MPPED1: variants seen among roughly 807,000 people sequenced by gnomAD.
MPPED1 encodes the protein metallophosphoesterase domain containing 1.
MPPED1 carries 16 observed loss-of-function variants against 36.2 expected under a neutral mutation model. The observed-to-expected ratio is 0.44, with a 90% CI of 0.30 to 0.67. The LOEUF is 0.67. Among genes scored for constraint, MPPED1 ranks in the 30% least tolerant of loss-of-function variants. The pLI is 0.10. For missense variants in MPPED1, 307 were observed against 453.4 expected, an observed-to-expected ratio of 0.68 and a Z score of 2.93; for synonymous variants, 199 against 191.3, an observed-to-expected ratio of 1.04 and a Z score of -0.33.
At chr22:43,430,137 T>G (rs1266968212) in intron 2 of MPPED1, among the ~76,000 whole-genome samples, 1 of 152,058 alleles carries the variant, frequency 6.6e-6, no homozygotes, top group Non-Finnish European at 1.5e-5. Flanking sequence ...TGATGCCCAG[T>G]CACACGGCTG....
chr22:43,431,610 G>C lies in MPPED1; in HGVS notation c.225-3424G>C, dbSNP rs112943139. On this transcript the variant is annotated intron_variant, in intron 2 of 6. Coordinates refer to ENST00000443721, the MANE Select transcript of MPPED1 (RefSeq NM_001044370.2). ...AATTTCAGCTGCACCAACTCCTGTA[G>C]CTAAGATCATGGACAAGTCAGCCTT... is the stretch of plus-strand genomic sequence containing the variant. Among the ~76,000 whole-genome samples, 767 of 152,284 alleles carry C rather than the reference G, an allele frequency of 5.0e-3. 16 individuals are homozygous for C. The highest frequency in any genetic ancestry group is 0.017 in the African/African-American group (725 of 41,564).
chr22:43,426,624 C>T (rs992333106), intron 2 of MPPED1, among the ~76,000 whole-genome samples: 4 of 152,126 alleles, frequency 2.6e-5, no homozygotes, highest in Non-Finnish European at 4.4e-5. Flanking sequence ...TGTGTGAGGG[C>T]GCGACCTCCC....
Position 43,502,787 on chromosome 22 carries a change from C to A in MPPED1, c.862+30C>A, listed in dbSNP as rs201366771. On this transcript the variant is annotated intron_variant, in intron 6 of 6. Transcript: ENST00000443721. This position sits in a 1 kb window ranked among gnomAD's most constrained non-coding sequence, Gnocchi z 5.5. Reference sequence around the variant, plus strand: ...GTACGTAGCGGAGACAGGCACCTCACGGGCTAGGGGCTCCTAATGGACCCT... The same window carrying A: ...GTACGTAGCGGAGACAGGCACCTCAAGGGCTAGGGGCTCCTAATGGACCCT... 5.7e-6 allele frequency: 9 copies of A among 1,587,244 alleles called. No individual in the cohort carries two copies. The East Asian group carries it at 6.7e-5, about 12-fold the overall frequency.
Position 43,424,909 on chromosome 22 carries a change from C to G in MPPED1, c.-77C>G, listed in dbSNP as rs1929406182. 6.5e-7 allele frequency: 1 copy of G among 1,532,784 alleles called. No homozygotes were observed. The highest frequency in any genetic ancestry group is 1.2e-5 in the South Asian group (1 of 83,356). 94.9% of individuals were successfully genotyped at this position (1,532,784 alleles called of 1,614,324 possible). A position where few individuals can be genotyped will look rare whatever the true frequency, so the allele number is the denominator to read the frequency against. ...CACGGTTCTGCTCCGTCTCCTCAGT[C>G]TGTTTCCAGGTCTGGCGGGGGGCCG... On this transcript the variant is annotated splice_region_variant and 5_prime_UTR_variant, in exon 2 of 7. Coordinates refer to ENST00000443721, the MANE Select transcript of MPPED1 (RefSeq NM_001044370.2).
chr22:43,422,188 CA>C (rs1929297374), intron 1 of MPPED1, among the ~76,000 whole-genome samples: 2 of 152,242 alleles, frequency 1.3e-5, no homozygotes, highest in African/African-American at 4.8e-5. Context: ...AGGCGGAAGC[CA>C]GGCAGCTAGG....
intron 3 of MPPED1, among the ~76,000 whole-genome samples, chr22:43,463,815 C>CTTTCTTTTTTTCTTTCTTTCTT (rs1377538955): frequency 0.023 from 1,091 of 47,980 alleles, 44 homozygotes; most frequent in African/African-American, 0.076. Flanking sequence ...TCTTTTCTTT[C>CTTTCTTTTTTTCTTTCTTTCTT]TTTCTTTCTT....
intron 3 of MPPED1, among the ~76,000 whole-genome samples, chr22:43,446,150 C>T (rs897747639): frequency 3.3e-5 from 5 of 152,234 alleles, no homozygotes; most frequent in Non-Finnish European, 7.3e-5. Context: ...GGATTACAGG[C>T]ATGAGTCACT....
intron 2 of MPPED1, among the ~76,000 whole-genome samples, chr22:43,430,440 C>CT (rs1929634652): frequency 6.6e-6 from 1 of 152,174 alleles, no homozygotes; most frequent in African/African-American, 2.4e-5. Context: ...GGGCTGGAGC[C>CT]TGGTGGGGTC....
intron 4 of MPPED1, among the ~76,000 whole-genome samples, chr22:43,495,368 AT>A (rs1932238434): frequency 9.3e-5 from 4 of 43,076 alleles, no homozygotes; most frequent in African/African-American, 5.5e-4. Context: ...GATGGTGGTG[AT>A]GGTAGTGGTG....
intron 2 of MPPED1, 111 bp from the exon 3 acceptor site, chr22:43,434,923 C>T: frequency 3.4e-6 from 4 of 1,184,806 alleles, no homozygotes; most frequent in Non-Finnish European, 4.8e-6. Flanking sequence ...TCTGGTGGAT[C>T]TGAGCGGGAT....
intron 3 of MPPED1, among the ~76,000 whole-genome samples, chr22:43,463,789 TTGA>T (rs1392648740): frequency 6.7e-6 from 1 of 150,180 alleles, no homozygotes; most frequent in East Asian, 1.9e-4. Context: ...TTCACTGTGG[TTGA>T]TTTTTCATTT....
In MPPED1 at chr22:43,506,254, T is replaced by G. The variant is rs1932810899; in HGVS notation, c.*638T>G. On this transcript the variant is annotated 3_prime_UTR_variant, in exon 7 of 7. Coordinates refer to ENST00000443721, the MANE Select transcript of MPPED1 (RefSeq NM_001044370.2). ...TTGTTTACTTGAACAATGACCTGAG[T>G]GTCCTAGGCATTCACTCGGAGCCTG... 6.5e-6 allele frequency: 1 copy of G among 152,674 alleles called. No individual in the cohort carries two copies. Among genetic ancestry groups the G allele is most frequent in the African/African-American group, 2.4e-5 (1 of 41,450 alleles). 9.5% of individuals were successfully genotyped at this position (152,674 alleles called of 1,614,324 possible).
chr22:43,473,688 G>A (rs1488697207), intron 3 of MPPED1, among the ~76,000 whole-genome samples: 1 of 152,198 alleles, frequency 6.6e-6, no homozygotes, highest in Non-Finnish European at 1.5e-5. Flanking sequence ...CTGGGGTCAG[G>A]CTGGCTCTCA....
chr22:43,428,798 T>C (rs1929573573), intron 2 of MPPED1, among the ~76,000 whole-genome samples: 1 of 151,802 alleles, frequency 6.6e-6, no homozygotes, highest in Non-Finnish European at 1.5e-5. Flanking sequence ...GGCTGAAGAC[T>C]CCTTGCCCCG....
chr22:43,442,785 G>C (rs1930195123), intron 3 of MPPED1, among the ~76,000 whole-genome samples: 1 of 152,170 alleles, frequency 6.6e-6, no homozygotes, highest in African/African-American at 2.4e-5. Context: ...AGATGAGACC[G>C]TGTGTGCACC....
rs774762838 is a variant in MPPED1, at chr22:43,505,892, A to G, written c.*276A>G. 6 of 368,090 alleles carry G rather than the reference A, an allele frequency of 1.6e-5. No homozygotes were observed. The highest frequency in any genetic ancestry group is 2.9e-5 in the Non-Finnish European group (6 of 203,970). The allele number at this position is 368,090 out of a possible 1,614,324, so 22.8% of individuals were successfully genotyped here. On this transcript the variant is annotated 3_prime_UTR_variant, in exon 7 of 7. Coordinates refer to ENST00000443721, the MANE Select transcript of MPPED1 (RefSeq NM_001044370.2). ...GACCTACTAAGCTCATGGCCCTGTC[A>G]TGTTTGGGAAATGACTAAATCTTCA...
At chr22:43,444,610 G>A (rs1236411929) in intron 3 of MPPED1, among the ~76,000 whole-genome samples, 7 of 152,058 alleles carry the variant, frequency 4.6e-5, no homozygotes, top group Admixed American at 3.9e-4. Context: ...TGGCCCACCT[G>A]CCTTGGCCTA....
At chr22:43,430,862 G>C (rs1288164864) in intron 2 of MPPED1, among the ~76,000 whole-genome samples, 2 of 151,770 alleles carry the variant, frequency 1.3e-5, no homozygotes, top group Non-Finnish European at 2.9e-5. Flanking sequence ...ACTTTTCATT[G>C]TCATTGCAAG....
At chr22:43,445,814 C>T (rs1028050899) in intron 3 of MPPED1, among the ~76,000 whole-genome samples, 1 of 151,206 alleles carries the variant, frequency 6.6e-6, no homozygotes, top group African/African-American at 2.4e-5. Flanking sequence ...AGGCAATCTG[C>T]CTACCTCGGC....
Sources: gnomAD v4.1 joint callset for allele counts (sites outside exome capture counted in the v4.1 genomes callset) on GRCh38, gnomAD v4.1.1 for gene constraint, Gnocchi (gnomAD v3.1) non-coding constraint, MANE v1.5 for transcripts, NCBI Gene and HGNC (gene_info 2026-07-23, HGNC 2026-07-21) for gene names.